FKBP3: variants seen among roughly 807,000 people sequenced by gnomAD.
FKBP3 encodes the protein FKBP prolyl isomerase 3, also known as peptidyl-prolyl cis-trans isomerase FKBP3.
Under a neutral mutation model 30.6 loss-of-function variants are expected in FKBP3, and 21 were observed. The ratio of observed to expected loss-of-function variants is 0.69; its 90% CI spans 0.49 to 0.99. The LOEUF is 0.99. FKBP3 is among the 50% of genes least tolerant of loss of function. FKBP3 has a pLI of 0.00. For missense variants in FKBP3, 283 were observed against 261.6 expected, an observed-to-expected ratio of 1.08 and a Z score of -0.56; for synonymous variants, 82 against 91.3, an observed-to-expected ratio of 0.90 and a Z score of 0.58.
At chr14:45,127,426 C>T (rs1283419772) in intron 3 of FKBP3, among the ~76,000 whole-genome samples, 1 of 151,616 alleles carries the variant, frequency 6.6e-6, no homozygotes, top group Non-Finnish European at 1.5e-5. Context: ...CCCAACCGAC[C>T]CTGTCTTAAA....
intron 3 of FKBP3, among the ~76,000 whole-genome samples, chr14:45,123,436 G>A (rs1885028502): frequency 6.6e-6 from 1 of 151,414 alleles, no homozygotes; most frequent in Non-Finnish European, 1.5e-5. Context: ...GTTTGTTCCA[G>A]CCAACGCCTC....
intron 1 of FKBP3, among the ~76,000 whole-genome samples, chr14:45,133,042 T>C (rs1157107687): frequency 6.6e-6 from 1 of 152,214 alleles, no homozygotes; most frequent in Non-Finnish European, 1.5e-5. Context: ...TTACAGATGT[T>C]GTATTAATAT....
chr14:45,116,604 C>T (rs951740770), intron 6 of FKBP3, among the ~76,000 whole-genome samples: 8 of 151,886 alleles, frequency 5.3e-5, no homozygotes, highest in African/African-American at 1.5e-4. Flanking sequence ...ACCTGTAATC[C>T]CACCACTTTA....
intron 3 of FKBP3, among the ~76,000 whole-genome samples, chr14:45,123,395 GA>G (rs1301579473): frequency 1.3e-5 from 2 of 151,586 alleles, no homozygotes; most frequent in Admixed American, 6.6e-5. Flanking sequence ...GTCCGCCTAA[GA>G]AAACTTAAGG....
intron 1 of FKBP3, chr14:45,133,372 CAGG>C (rs1254008293): frequency 3.7e-6 from 1 of 269,120 alleles, no homozygotes; most frequent in Non-Finnish European, 8.0e-6. Context: ...GAGGCAGAGG[CAGG>C]AGAATCGTTT....
intron 1 of FKBP3, chr14:45,131,264 G>C (rs748963): frequency 0.06 from 9,240 of 153,188 alleles, 963 homozygotes; most frequent in African/African-American, 0.21. Context: ...CATATGTTGA[G>C]ATTGCTATGC....
chr14:45,132,066 T>G (rs1485441465), intron 1 of FKBP3, among the ~76,000 whole-genome samples: 1 of 152,250 alleles, frequency 6.6e-6, no homozygotes, highest in Non-Finnish European at 1.5e-5. Flanking sequence ...TAATTCCTAA[T>G]TTTGTTACAT....
intron 3 of FKBP3, among the ~76,000 whole-genome samples, chr14:45,122,329 A>G (rs553218003): frequency 1.3e-5 from 2 of 152,306 alleles, no homozygotes; most frequent in East Asian, 1.9e-4. Context: ...ACCTAAATCT[A>G]TTTGGTTTCT....
chr14:45,120,895 T>A lies in FKBP3; in HGVS notation c.514A>T (p.Ile172Phe), dbSNP rs369567635. Residue 172 changes from isoleucine to phenylalanine, a missense_variant, in exon 5 of 7, where the codon ATC becomes TTC. Coordinates refer to ENST00000396062, the MANE Select transcript of FKBP3 (RefSeq NM_002013.4). ...TGGCATTCTTTACTTACTCCTCTGA[T>A]AACTTTGCCTACTCCGACCTTAAAA... ...LSFKVGVGKVIRGWDEALLTM... is the reference protein window; with the variant it reads ...LSFKVGVGKVFRGWDEALLTM... 2.1e-5 allele frequency: 34 copies of A among 1,612,668 alleles called. No homozygotes were observed. The highest frequency in any genetic ancestry group is 2.8e-5 in the Non-Finnish European group (33 of 1,179,214).
At chr14:45,121,059 T>C (rs1366803723) in intron 4 of FKBP3, 105 bp from the exon 5 acceptor site, 3 of 931,596 alleles carry the variant, frequency 3.2e-6, no homozygotes, top group Non-Finnish European at 4.9e-6. Flanking sequence ...AGTGGTTTGA[T>C]TTCAGAATTA....
At chr14:45,121,731 T>G in intron 3 of FKBP3, 111 bp from the exon 4 acceptor site, 1 of 1,256,982 alleles carries the variant, frequency 8.0e-7, no homozygotes, top group Non-Finnish European at 1.1e-6. Flanking sequence ...TTTGATGGAT[T>G]TGGTAATAAA....
intron 6 of FKBP3, among the ~76,000 whole-genome samples, chr14:45,117,397 G>A (rs1884871655): frequency 6.6e-6 from 1 of 152,178 alleles, no homozygotes; most frequent in Non-Finnish European, 1.5e-5. Context: ...GGTCCAAGAG[G>A]AATGGAACCA....
chr14:45,134,272 C>G, intron 1 of FKBP3, 77 bp downstream of exon 1: 1 of 1,166,874 alleles, frequency 8.6e-7, no homozygotes, highest in African/African-American at 1.5e-5. Context: ...CAGAGGAATA[C>G]GGAATGTATG....
chr14:45,120,728 T>C (rs1018955689), intron 5 of FKBP3, among the ~76,000 whole-genome samples, 159 bp downstream of exon 5: 2 of 152,176 alleles, frequency 1.3e-5, no homozygotes, highest in South Asian at 2.1e-4. Flanking sequence ...GAGACCGAGA[T>C]AACTTGTGCA....
intron 1 of FKBP3, among the ~76,000 whole-genome samples, chr14:45,131,500 C>T (rs968944610): frequency 2.0e-5 from 3 of 151,768 alleles, no homozygotes; most frequent in African/African-American, 7.3e-5. Flanking sequence ...GCCATGGTGG[C>T]GCATGCCTGT....
intron 3 of FKBP3, among the ~76,000 whole-genome samples, chr14:45,123,176 A>C (rs1300564114): frequency 1.4e-5 from 2 of 140,460 alleles, no homozygotes; most frequent in African/African-American, 6.0e-5. Flanking sequence ...GCAAGGCTCC[A>C]TCTAAAAAAA....
At chr14:45,133,355 T>A in intron 1 of FKBP3, 1 of 288,854 alleles carries the variant, frequency 3.5e-6, no homozygotes, top group Non-Finnish European at 7.3e-6. Context: ...TAGTCCTAGC[T>A]ACTCGAGAGG....
At chr14:45,120,316 T>C (rs1009256597) in intron 5 of FKBP3, among the ~76,000 whole-genome samples, 2 of 152,184 alleles carry the variant, frequency 1.3e-5, no homozygotes, top group African/African-American at 4.8e-5. Context: ...AACTTCCTCT[T>C]TTCTCAAAGT....
intron 3 of FKBP3, among the ~76,000 whole-genome samples, chr14:45,122,280 A>T (rs533971928): frequency 4.3e-5 from 6 of 140,360 alleles, no homozygotes; most frequent in African/African-American, 1.2e-4. Flanking sequence ...GGAGTTAATT[A>T]AAAAAAAGAA....
Sources: allele counts gnomAD v4.1 joint callset (sites outside exome capture counted in the v4.1 genomes callset), GRCh38; gene constraint gnomAD v4.1.1; transcripts MANE v1.5; gene names NCBI Gene and HGNC (gene_info 2026-07-23, HGNC 2026-07-21).